The following SPTA1 variants were observed in gnomAD, a reference collection of about 807,000 sequenced individuals.
The protein encoded by SPTA1 is spectrin alpha, erythrocytic 1.
Under a neutral mutation model 324.7 loss-of-function variants are expected in SPTA1, and 177 were observed. That is an observed-to-expected ratio of 0.55 (90% CI 0.48 to 0.62). The LOEUF (loss-of-function observed/expected upper bound fraction) is 0.62, where lower values mean the gene tolerates loss of function less well. SPTA1 is among the 20% of genes least tolerant of loss of function. The pLI is 0.00. For synonymous variants in SPTA1, 1,195 were observed against 1,041.3 expected, an observed-to-expected ratio of 1.15 and a Z score of -2.84; for missense variants, 3,162 against 2,883.6, an observed-to-expected ratio of 1.10 and a Z score of -2.21.
chr1:158,615,644 GTAGT>G (rs1477935148), intron 47 of SPTA1, among the ~76,000 whole-genome samples: 1 of 152,072 alleles, frequency 6.6e-6, no homozygotes, highest in Admixed American at 6.6e-5. Context: ...CTAAGAGTTA[GTAGT>G]TATACACACA....
chr1:158,612,603 T>C (rs1417904567), intron 51 of SPTA1: 5 of 572,970 alleles, frequency 8.7e-6, no homozygotes, highest in Non-Finnish European at 1.6e-5. Context: ...AGATTTTGAA[T>C]TGACTCTCAC....
chr1:158,666,174 G>A (rs1653581800), intron 16 of SPTA1, 142 bp downstream of exon 16: 1 of 686,426 alleles, frequency 1.5e-6, no homozygotes, highest in Non-Finnish European at 2.5e-6. Flanking sequence ...TTAATAATCA[G>A]TGTGCTCAGA....
chr1:158,634,367 G>T (rs1469900354), intron 39 of SPTA1, among the ~76,000 whole-genome samples, 176 bp downstream of exon 39: 1 of 152,206 alleles, frequency 6.6e-6, no homozygotes, highest in Admixed American at 6.5e-5. Flanking sequence ...TCTTGGGCAA[G>T]TCACTTACAT....
intron 22 of SPTA1, among the ~76,000 whole-genome samples, chr1:158,652,912 A>G (rs1387068824): frequency 1.3e-5 from 2 of 152,202 alleles, no homozygotes; most frequent in Non-Finnish European, 2.9e-5. Context: ...TTCCTTTCCC[A>G]TTTCATAAAA....
At chr1:158,632,216 T>C (rs1056243345) in intron 39 of SPTA1, among the ~76,000 whole-genome samples, 13 of 152,182 alleles carry the variant, frequency 8.5e-5, no homozygotes, top group Non-Finnish European at 1.9e-4. Flanking sequence ...TGCTACATGA[T>C]TCCACCTATA....
chr1:158,674,675 C>G lies in SPTA1; in HGVS notation c.1113G>C (p.Trp371Cys). The G allele has an allele frequency of 1.2e-6, 2 of 1,613,564 alleles. No homozygotes were observed. The highest frequency in any genetic ancestry group is 1.7e-6 in the Non-Finnish European group (2 of 1,179,944). The change falls in exon 9 of 52, where the codon TGG becomes TGC. Residue 371 changes from tryptophan (W) to cysteine (C), a missense_variant and splice_region_variant. Physicochemically the swap from Trp to Cys is radical, Grantham distance 215 (BLOSUM62 -2). Transcript: ENST00000643759. ...CAAAGTCAGATGAAAATCGATGGTACCTGTGGGAAAAGTGAGGTAAAAGAC... is the reference window on the plus strand; with the variant it reads ...CAAAGTCAGATGAAAATCGATGGTAGCTGTGGGAAAAGTGAGGTAAAAGAC... ...SRYEKLQATY[W>C]YHRFSSDFDE...
At chr1:158,638,296 C>A (rs1055540675) in intron 35 of SPTA1, 55 bp from the exon 36 acceptor site, 63 of 1,554,266 alleles carry the variant, frequency 4.1e-5, no homozygotes, top group Non-Finnish European at 4.9e-5. Context: ...TACTCAGATC[C>A]CACACTTTAA....
At chr1:158,626,324 G>T in intron 41 of SPTA1, 102 bp from the exon 42 acceptor site, 1 of 1,073,164 alleles carries the variant, frequency 9.3e-7, no homozygotes, top group Non-Finnish European at 1.4e-6. Flanking sequence ...AAAGCTTCTT[G>T]ACTCTCAAAG....
At chr1:158,656,312 A>G (rs1214817576) in intron 20 of SPTA1, among the ~76,000 whole-genome samples, 2 of 152,184 alleles carry the variant, frequency 1.3e-5, no homozygotes, top group African/African-American at 4.8e-5. Flanking sequence ...AGAAATATAA[A>G]AGGAAGGAAA....
chr1:158,617,871 T>C (rs2101754938), intron 46 of SPTA1, among the ~76,000 whole-genome samples, 168 bp downstream of exon 46: 1 of 152,282 alleles, frequency 6.6e-6, no homozygotes, highest in South Asian at 2.1e-4. Context: ...TCTAGTGAAG[T>C]ATAAGGGCAG....
intron 47 of SPTA1, among the ~76,000 whole-genome samples, chr1:158,616,407 C>T (rs976543006): frequency 6.6e-6 from 1 of 152,046 alleles, no homozygotes; most frequent in African/African-American, 2.4e-5. Flanking sequence ...CCTCTATCTC[C>T]CCCTACCATT....
chr1:158,626,858 A>C lies in SPTA1; in HGVS notation c.5814T>G (p.Asp1938Glu). The C allele has an allele frequency of 8.7e-6, 14 of 1,613,794 alleles. No individual in the cohort carries two copies. Among genetic ancestry groups the C allele is most frequent in the Non-Finnish European group, 1.2e-5 (14 of 1,179,730 alleles). The stretch of plus-strand genomic sequence containing the variant: ...TCATACCTATCCAAGCCTCTACCAC[A>C]TCAGCCTTCCAGTTGAATTCCTGAA... The part of the protein sequence containing the change: ...YAFQEFNWKA[D>E]VVEAWIADKE... The change falls in exon 41 of 52, where the codon GAT (aspartate) becomes GAG (glutamate). Residue 1938 changes from aspartate to glutamate, a missense_variant. By Grantham distance (45) the Asp-to-Glu change is conservative. Transcript: ENST00000643759.
intron 7 of SPTA1, among the ~76,000 whole-genome samples, chr1:158,677,100 G>A (rs904403487): frequency 6.6e-5 from 10 of 152,128 alleles, no homozygotes; most frequent in African/African-American, 1.9e-4. Flanking sequence ...GTAGTAATTG[G>A]TTTACGTTCT....
In SPTA1 at chr1:158,645,320, T is replaced by C. The variant is rs1209033439; in HGVS notation, c.4062A>G (p.Glu1354=). 4 of 1,613,958 alleles carry C rather than the reference T, an allele frequency of 2.5e-6. No homozygotes were observed. The highest frequency in any genetic ancestry group is 3.4e-6 in the Non-Finnish European group (4 of 1,179,974). Residue 1354 remains glutamate, a synonymous_variant, in exon 29 of 52, where the codon GAA becomes GAG. Transcript: ENST00000643759. Reference sequence around the variant, plus strand: ...TAGCATGGTGCCCACTGTCGATAAGTTCTGCACTGAAGTCCTCTAAGGCCT... The same window carrying C: ...TAGCATGGTGCCCACTGTCGATAAGCTCTGCACTGAAGTCCTCTAAGGCCT... The part of the protein sequence containing the change: ...TFQALEDFSA[E]LIDSGHHASP...
Position 158,661,331 on chromosome 1 carries a change from C to A in SPTA1, c.2543G>T (p.Arg848Leu). 1 of 1,613,880 alleles carries A rather than the reference C, an allele frequency of 6.2e-7. No homozygotes were observed. The highest frequency in any genetic ancestry group is 1.1e-5 in the South Asian group (1 of 91,080). Residue 848 changes from arginine to leucine, a missense_variant, in exon 18 of 52, where the codon CGC becomes CTC. Physicochemically the swap from Arg to Leu is moderately radical, Grantham distance 102. Coordinates refer to ENST00000643759, the MANE Select transcript of SPTA1 (RefSeq NM_003126.4). ...ILENIASHEP[R>L]IQEITERGNK... ...TCCCCTTTCTGTTATCTCTTGAATGCGTGGTTCATGGCTGGCAATGTTCTC... is the reference window on the plus strand; with the variant it reads ...TCCCCTTTCTGTTATCTCTTGAATGAGTGGTTCATGGCTGGCAATGTTCTC...
intron 20 of SPTA1, among the ~76,000 whole-genome samples, chr1:158,655,712 T>C (rs1463495536): frequency 6.6e-6 from 1 of 152,188 alleles, no homozygotes; most frequent in African/African-American, 2.4e-5. Context: ...AGTGTGTCTC[T>C]TTTTTTCTAC....
intron 42 of SPTA1, among the ~76,000 whole-genome samples, chr1:158,624,438 G>A (rs1413120806): frequency 6.6e-6 from 1 of 152,218 alleles, no homozygotes. Context: ...GGGACATGGA[G>A]TCAAAAGAGA....
rs199638352 is a variant in SPTA1 at position 158,669,711 on chromosome 1, C to T, written c.1675G>A (p.Gly559Arg). The part of the protein sequence containing the change: ...DSENIKAIRD[G>R]LLARRDALRE... ...AAGCTCTAGGCCCTTGGACATACCC[C>T]GTCACGGATAGCCTTGATGTTCTCT... The change falls in exon 13 of 52, where the codon GGG (glycine) becomes AGG (arginine). Residue 559 changes from glycine to arginine, a missense_variant and splice_region_variant. Gly to Arg is a moderately radical substitution (Grantham distance 125). Transcript: ENST00000643759. 1.1e-4 allele frequency: 180 copies of T among 1,613,976 alleles called. No individual in the cohort carries two copies. Among genetic ancestry groups the T allele is most frequent in the African/African-American group, 6.3e-4 (47 of 74,908 alleles).
chr1:158,686,643 A>AG lies in SPTA1; in HGVS notation c.-127_-126insC. ...TATAGAAACGTTAAGTATGTGGGGG[A>AG]AAAAAAAAAACCTCTTGCTTGGTCC... On this transcript the variant is annotated 5_prime_UTR_variant, in exon 1 of 52. It introduces an in-frame stop codon into an upstream open reading frame of the 5' UTR. Coordinates refer to ENST00000643759, the MANE Select transcript of SPTA1 (RefSeq NM_003126.4). 2.3e-6 allele frequency: 1 copy of AG among 436,488 alleles called. No individual in the cohort carries two copies. The highest frequency in any genetic ancestry group is 3.8e-6 in the Non-Finnish European group (1 of 266,038). The allele number at this position is 436,488 out of a possible 1,614,324, so 27.0% of individuals were successfully genotyped here.
Sources: gnomAD v4.1 joint callset for allele counts (sites outside exome capture counted in the v4.1 genomes callset) on GRCh38, gnomAD v4.1.1 for gene constraint, MANE v1.5 for transcripts, NCBI Gene and HGNC (gene_info 2026-07-23, HGNC 2026-07-21) for gene names.